CDK12: variants seen among roughly 807,000 people sequenced by gnomAD.
CDK12 encodes the protein cyclin dependent kinase 12, also known as cyclin-dependent kinase 12.
A neutral mutation model predicts 133.8 loss-of-function variants in CDK12; 17 were observed. The ratio of observed to expected loss-of-function variants is 0.13; its 90% CI spans 0.09 to 0.19. The LOEUF (loss-of-function observed/expected upper bound fraction) is 0.19, where lower values mean the gene tolerates loss of function less well. CDK12 is among the 10% of genes least tolerant of loss of function. The pLI, the probability that CDK12 is intolerant of heterozygous loss-of-function variation, is 1.00. For synonymous variants in CDK12, 694 were observed against 683.6 expected (o/e 1.02, Z -0.24); for missense variants, 1,508 against 1,818.7 (o/e 0.83, Z 3.11).
At chr17:39,562,065 A>G (rs1032658941) in intron 3 of CDK12, among the ~76,000 whole-genome samples, 1 of 152,064 alleles carries the variant, frequency 6.6e-6, no homozygotes, top group Non-Finnish European at 1.5e-5. Flanking sequence ...CCAGCCTCCC[A>G]AGTAGCTGGG....
chr17:39,541,706 T>C (rs11655531), intron 1 of CDK12, among the ~76,000 whole-genome samples: 94,406 of 152,128 alleles, frequency 0.62, 32,449 homozygotes, highest in South Asian at 0.89. Context: ...CTTGTCCCTT[T>C]GGTTAAGCCA....
Position 39,462,858 on chromosome 17 carries a change from A to G in CDK12, c.787A>G (p.Lys263Glu). 2.5e-6 allele frequency: 4 copies of G among 1,614,178 alleles called. No homozygotes were observed. Among genetic ancestry groups the G allele is most frequent in the Non-Finnish European group, 3.4e-6 (4 of 1,180,030 alleles). The change falls in exon 1 of 14, where the codon AAG becomes GAG. Residue 263 changes from lysine (K) to glutamate (E), a missense_variant. Coordinates refer to ENST00000447079, the MANE Select transcript of CDK12 (RefSeq NM_016507.4). ...SHTSSNYDSY[K>E]KSPGSTSRRQ... ...TACCTCGAGCAATTATGACTCCTAC[A>G]AGAAAAGTCCTGGAAGTACCTCGAG...
intron 5 of CDK12, among the ~76,000 whole-genome samples, chr17:39,495,975 G>A (rs1381232388): frequency 6.6e-6 from 1 of 151,202 alleles, no homozygotes; most frequent in Non-Finnish European, 1.5e-5. Context: ...GCATTGGCTC[G>A]ATCTTGGCTT....
chr17:39,488,474 T>C (rs922274569), intron 2 of CDK12, among the ~76,000 whole-genome samples: 1 of 152,204 alleles, frequency 6.6e-6, no homozygotes, highest in African/African-American at 2.4e-5. Context: ...TGATTCAGTA[T>C]ATTTTTTATT....
chr17:39,487,716 A>G (rs1189658309), intron 2 of CDK12, among the ~76,000 whole-genome samples: 1 of 148,898 alleles, frequency 6.7e-6, no homozygotes, highest in African/African-American at 2.5e-5. Flanking sequence ...TCCCCAGTTC[A>G]AGCAATTCTC....
chr17:39,467,067 C>T (rs1341187908), intron 1 of CDK12, among the ~76,000 whole-genome samples: 1 of 152,112 alleles, frequency 6.6e-6, no homozygotes, highest in Non-Finnish European at 1.5e-5. Flanking sequence ...CAACCTCCGC[C>T]TCCCAGGTTC....
At chr17:39,555,872 CACACACACACACAA>C (rs1165777939) in intron 2 of CDK12, among the ~76,000 whole-genome samples, 1 of 140,180 alleles carries the variant, frequency 7.1e-6, no homozygotes, top group African/African-American at 2.9e-5. Context: ...CACACACACA[CACACACACACACAA>C]AGCCAGGTGT....
At chr17:39,512,370 A>C (rs1246561749) in intron 8 of CDK12, among the ~76,000 whole-genome samples, 7 of 152,304 alleles carry the variant, frequency 4.6e-5, no homozygotes, top group Admixed American at 6.5e-5. Context: ...GAGTACTTCT[A>C]ACAAAAGTTA....
chr17:39,516,864 C>T (rs2053844681), intron 9 of CDK12, among the ~76,000 whole-genome samples: 1 of 151,166 alleles, frequency 6.6e-6, no homozygotes, highest in Non-Finnish European at 1.5e-5. Flanking sequence ...GGGGTTTCAC[C>T]ATGTTAGCCA....
rs538229117 is a variant in CDK12, at chr17:39,554,740, G to A, written n.357-1546G>A. Reference sequence around the variant, plus strand: ...CTAAAAGTACAAAAATGAGCCAGGCGTGGTGGCGTGCACCTGTAGTCCCAG... The same window carrying A: ...CTAAAAGTACAAAAATGAGCCAGGCATGGTGGCGTGCACCTGTAGTCCCAG... On this transcript the variant is annotated intron_variant and non_coding_transcript_variant, in intron 2 of 3. Coordinates refer to the CDK12 transcript ENST00000558240. Among the ~76,000 whole-genome samples, 70 of 152,148 alleles carry A rather than the reference G, an allele frequency of 4.6e-4. 1 individual carries two copies. The highest frequency in any genetic ancestry group is 6.8e-3 in the Middle Eastern group (2 of 294).
downstream of CDK12, chr17:39,567,267 G>A (rs1037922672): frequency 4.6e-5 from 7 of 152,166 alleles, no homozygotes; most frequent in African/African-American, 1.7e-4. Flanking sequence ...CTTTCTCTGT[G>A]TCCTTTGCAA....
In CDK12 at chr17:39,479,198, C is replaced by T. The variant is rs575555080; in HGVS notation, c.1931+7435C>T. ...TGGCGGGCCCCTGTAGTCCCAGCAGCTCGGGAGGCTGAGGCAGGAGAATGG... is the reference window on the plus strand; with the variant it reads ...TGGCGGGCCCCTGTAGTCCCAGCAGTTCGGGAGGCTGAGGCAGGAGAATGG... On this transcript the variant is annotated intron_variant, in intron 2 of 13. Transcript: ENST00000447079. Among the ~76,000 whole-genome samples the T allele has an allele frequency of 8.1e-4, 122 of 150,300 alleles. 1 individual carries two copies. The highest frequency in any genetic ancestry group is 2.9e-3 in the African/African-American group (119 of 40,918).
chr17:39,477,569 T>C (rs570003130), intron 2 of CDK12, among the ~76,000 whole-genome samples: 13 of 146,434 alleles, frequency 8.9e-5, no homozygotes, highest in African/African-American at 3.3e-4. Context: ...ATTTATTTAT[T>C]ATTTATTTTT....
downstream of CDK12, among the ~76,000 whole-genome samples, chr17:39,566,541 G>A (rs2056581438): frequency 6.6e-6 from 1 of 152,056 alleles, no homozygotes. Flanking sequence ...TGCTGCCATC[G>A]TGCTAACTCA....
At chr17:39,557,014 C>G (rs1292300105) in intron 3 of CDK12, 1 of 152,238 alleles carries the variant, frequency 6.6e-6, no homozygotes, top group African/African-American at 2.4e-5. Flanking sequence ...CTGGGCATCT[C>G]TAAGCCACCA....
rs2049767317 is a variant in CDK12 at position 39,471,230 on chromosome 17, A to G, written c.1398A>G (p.Thr466=). ...SAPDTELVNV[T]HLNTEVKNSS... ...CAGATACTGAACTGGTGAATGTAAC[A>G]CATCTAAACACAGAGGTAAAAAATT... Residue 466 remains threonine (T), a synonymous_variant, in exon 2 of 14, where the codon ACA becomes ACG. Transcript: ENST00000447079. 3 of 1,602,732 alleles carry G rather than the reference A, an allele frequency of 1.9e-6. No individual in the cohort carries two copies. The highest frequency in any genetic ancestry group is 2.2e-5 in the South Asian group (2 of 89,128).
At chr17:39,495,685 C>G (rs1257496624) in intron 5 of CDK12, among the ~76,000 whole-genome samples, 1 of 150,738 alleles carries the variant, frequency 6.6e-6, no homozygotes, top group Non-Finnish European at 1.5e-5. Context: ...GTCCCAGCTA[C>G]TCAGGAGGCT....
rs2049741532 is a variant in CDK12 at position 39,470,865 on chromosome 17, T to C, written c.1047-14T>C. 1 of 1,584,730 alleles carries C rather than the reference T, an allele frequency of 6.3e-7. No individual in the cohort carries two copies. The highest frequency in any genetic ancestry group is 1.9e-4 in the Middle Eastern group (1 of 5,184). ...GTAGTCCATTCATTTAAAACTGGCT[T>C]TTTATTTTTCCAGTAGGAAATCCAT... On this transcript the variant is annotated splice_polypyrimidine_tract_variant and intron_variant, in intron 1 of 13. Transcript: ENST00000447079.
intron 12 of CDK12, 98 bp from the exon 13 acceptor site, chr17:39,525,766 A>G: frequency 1.2e-6 from 1 of 844,658 alleles, no homozygotes; most frequent in Admixed American, 2.7e-5. Flanking sequence ...ATGAAATTTC[A>G]TTTTTTGGAT....
Sources: gnomAD v4.1 joint callset for allele counts (sites outside exome capture counted in the v4.1 genomes callset) on GRCh38, gnomAD v4.1.1 for gene constraint, MANE v1.5 for transcripts, NCBI Gene and HGNC (gene_info 2026-07-23, HGNC 2026-07-21) for gene names.